DCC: variants seen among roughly 807,000 people sequenced by gnomAD.
The protein encoded by DCC is DCC netrin 1 receptor.
A neutral mutation model predicts 172.5 loss-of-function variants in DCC; 58 were observed. The ratio of observed to expected loss-of-function variants is 0.34; its 90% CI spans 0.27 to 0.42. The LOEUF is 0.42. Ranked by LOEUF, DCC falls within the 10% of genes least tolerant of loss-of-function variation. The pLI is 1.00. For missense variants in DCC, 1,740 were observed against 1,791.0 expected (o/e 0.97, Z 0.51); for synonymous variants, 709 against 644.5 (o/e 1.10, Z -1.52).
intron 1 of DCC, among the ~76,000 whole-genome samples, chr18:52,614,862 G>A (rs997964272): frequency 3.3e-5 from 5 of 152,098 alleles, no homozygotes; most frequent in Non-Finnish European, 7.4e-5. Flanking sequence ...TGAGAAAATA[G>A]TAACATAAAA....
chr18:53,027,132 G>A (rs1276554347), intron 5 of DCC, among the ~76,000 whole-genome samples: 3 of 152,042 alleles, frequency 2.0e-5, no homozygotes, highest in African/African-American at 4.8e-5. Flanking sequence ...CACCATAACA[G>A]CCTGGAAAAG....
chr18:53,119,266 G>T (rs2043449508), intron 7 of DCC, among the ~76,000 whole-genome samples: 1 of 151,666 alleles, frequency 6.6e-6, no homozygotes, highest in Non-Finnish European at 1.5e-5. Flanking sequence ...CAAATACTTT[G>T]GTCTTGTCCT....
At chr18:52,497,340 T>G (rs2030829987) in intron 1 of DCC, among the ~76,000 whole-genome samples, 1 of 87,754 alleles carries the variant, frequency 1.1e-5, no homozygotes, top group Admixed American at 1.1e-4. Flanking sequence ...TATACACACG[T>G]ATGCATATAT....
At chr18:52,962,317 A>G (rs2040855209) in intron 5 of DCC, among the ~76,000 whole-genome samples, 1 of 151,848 alleles carries the variant, frequency 6.6e-6, no homozygotes, top group Non-Finnish European at 1.5e-5. Flanking sequence ...CACTTCTCAA[A>G]AGAAGACATT....
At chr18:52,696,864 C>A (rs2036019873) in intron 1 of DCC, among the ~76,000 whole-genome samples, 1 of 149,394 alleles carries the variant, frequency 6.7e-6, no homozygotes, top group Non-Finnish European at 1.5e-5. Flanking sequence ...GTTGTCAACA[C>A]ATGGGCTCCT....
rs538520661 is a variant in DCC at position 53,071,207 on chromosome 18, T to C, written c.1261+5041T>C. ...AATGAAGTTTCAACATAGTCTTTTA[T>C]ATATAGTTACCTATTCCCTCTTTAG... On this transcript the variant is annotated intron_variant, in intron 7 of 28. Coordinates refer to ENST00000442544, the MANE Select transcript of DCC (RefSeq NM_005215.4). 2.6e-5 allele frequency among the ~76,000 whole-genome samples: 4 copies of C among 152,334 alleles called. No homozygotes were observed. The South Asian group carries it at 8.3e-4, about 32-fold the overall frequency.
At chr18:53,282,107 T>C (rs1598980223) in intron 12 of DCC, among the ~76,000 whole-genome samples, 1 of 152,290 alleles carries the variant, frequency 6.6e-6, no homozygotes, top group Non-Finnish European at 1.5e-5. Flanking sequence ...TTGATAAATA[T>C]CATATGTAAT....
intron 13 of DCC, among the ~76,000 whole-genome samples, chr18:53,306,506 A>T (rs1278054879): frequency 6.6e-6 from 1 of 152,214 alleles, no homozygotes; most frequent in Non-Finnish European, 1.5e-5. Context: ...CAAACACAGC[A>T]CTTGCTAGGT....
intron 1 of DCC, among the ~76,000 whole-genome samples, chr18:52,385,594 C>T (rs970852375): frequency 4.6e-5 from 7 of 151,982 alleles, no homozygotes; most frequent in Non-Finnish European, 1.0e-4. Context: ...TTTAAAAACA[C>T]TCAGAGGATG....
intron 7 of DCC, among the ~76,000 whole-genome samples, chr18:53,153,889 T>A (rs566762666): frequency 2.4e-4 from 37 of 152,150 alleles, no homozygotes; most frequent in Non-Finnish European, 4.6e-4. Context: ...ATAAGCACCA[T>A]GAGAACATTG....
At chr18:53,435,351 G>A in intron 22 of DCC, 142 bp downstream of exon 22, 1 of 615,054 alleles carries the variant, frequency 1.6e-6, no homozygotes, top group Non-Finnish European at 2.9e-6. Flanking sequence ...GAAACATGAA[G>A]TTATTAAAAA....
intron 12 of DCC, among the ~76,000 whole-genome samples, chr18:53,216,629 T>C (rs538743136): frequency 1.2e-4 from 18 of 152,158 alleles, no homozygotes; most frequent in South Asian, 1.0e-3. Context: ...AAATGCCTTG[T>C]CATATTTTGT....
chr18:53,177,269 A>G (rs997196738), intron 8 of DCC, among the ~76,000 whole-genome samples: 8 of 152,126 alleles, frequency 5.3e-5, no homozygotes, highest in Non-Finnish European at 1.0e-4. Flanking sequence ...AGCATGGCAC[A>G]TGTATACATA....
At position 53,347,141 on chromosome 18, in the gene DCC, C is replaced by G. The variant is rs1392845580; in HGVS notation, c.2359+7234C>G. Reference sequence around the variant, plus strand: ...CTGTTTCCCTCATCCCCTGAAACTACTTTCAGTGATTCTTCTGGCACAAAG... The same window carrying G: ...CTGTTTCCCTCATCCCCTGAAACTAGTTTCAGTGATTCTTCTGGCACAAAG... On this transcript the variant is annotated intron_variant, in intron 15 of 28. Coordinates refer to ENST00000442544, the MANE Select transcript of DCC (RefSeq NM_005215.4). 2.6e-5 allele frequency among the ~76,000 whole-genome samples: 4 copies of G among 152,144 alleles called. No homozygotes were observed. In the South Asian group the frequency reaches 6.2e-4, roughly 24 times the overall value.
chr18:52,535,238 T>C (rs1041969478), intron 1 of DCC, among the ~76,000 whole-genome samples: 3 of 152,158 alleles, frequency 2.0e-5, no homozygotes, highest in African/African-American at 7.2e-5. Context: ...TAATGCAAAA[T>C]CCACTTTCTG....
At position 53,266,840 on chromosome 18, in the gene DCC, G is replaced by A. The variant is rs563096427; in HGVS notation, c.1912-38738G>A. On this transcript the variant is annotated intron_variant, in intron 12 of 28. Transcript: ENST00000442544. ...AAATGTTTTAAGGTTCATCCATTTG[G>A]AGCACGTGCCAATATTTTATTCCTT... Among the ~76,000 whole-genome samples, 15 of 150,738 alleles carry A rather than the reference G, an allele frequency of 1.0e-4. No individual in the cohort carries two copies. In the South Asian group the frequency reaches 1.7e-3, roughly 17 times the overall value.
At chr18:53,529,396 T>C (rs1395332389) in intron 28 of DCC, among the ~76,000 whole-genome samples, 1 of 152,176 alleles carries the variant, frequency 6.6e-6, no homozygotes, top group Non-Finnish European at 1.5e-5. Context: ...CTAGAAATCA[T>C]GGCTCAGGCC....
intron 24 of DCC, among the ~76,000 whole-genome samples, chr18:53,460,385 C>T (rs2045542224): frequency 1.4e-5 from 2 of 142,920 alleles, no homozygotes; most frequent in Admixed American, 7.2e-5. Flanking sequence ...CACCCACTAA[C>T]TCATCATCTA....
At chr18:53,027,100 C>T (rs561794082) in intron 5 of DCC, among the ~76,000 whole-genome samples, 77 of 152,256 alleles carry the variant, frequency 5.1e-4, no homozygotes, top group Non-Finnish European at 9.9e-4. Flanking sequence ...TGCTGTATTT[C>T]TTTCTCATGT....
Sources: allele counts gnomAD v4.1 joint callset (sites outside exome capture counted in the v4.1 genomes callset), GRCh38; gene constraint gnomAD v4.1.1; transcripts MANE v1.5; gene names NCBI Gene and HGNC (gene_info 2026-07-23, HGNC 2026-07-21).